Variants in KLF17 observed in about 807,000 individuals in gnomAD.
The protein encoded by KLF17 is KLF transcription factor 17.
A neutral mutation model predicts 34.2 loss-of-function variants in KLF17; 31 were observed. That is an observed-to-expected ratio of 0.91 (90% CI 0.68 to 1.22). The LOEUF is 1.22. Ranked by LOEUF, KLF17 falls within the 50% of genes most tolerant of loss-of-function variation. KLF17 has a pLI of 0.00. For missense variants in KLF17, 478 were observed against 505.2 expected (o/e 0.95, Z 0.52); for synonymous variants, 179 against 186.7 (o/e 0.96, Z 0.34).
At chr1:44,125,286 A>G (rs969020565) in intron 1 of KLF17, among the ~76,000 whole-genome samples, 5 of 152,150 alleles carry the variant, frequency 3.3e-5, no homozygotes, top group African/African-American at 1.2e-4. Flanking sequence ...CATTTTGCAA[A>G]GACAGTTTTG....
At chr1:44,115,172 G>A (rs984763838), upstream of KLF17, 1 of 152,186 alleles carries the variant, frequency 6.6e-6, no homozygotes, top group African/African-American at 2.4e-5. Context: ...GCCAGGCGCG[G>A]TGGCTCATGC....
At chr1:44,090,306 C>CAAAAAAAAAACAAAAA in the KLF17 span, among the ~76,000 whole-genome samples, 1 of 23,410 alleles carries the variant, frequency 4.3e-5, no homozygotes, top group Non-Finnish European at 7.0e-5. Context: ...CTTGTCTCTA[C>CAAAAAAAAAACAAAAA]AAAAAAAAAA....
chr1:44,078,717 C>T, the KLF17 span, among the ~76,000 whole-genome samples: 7 of 152,182 alleles, frequency 4.6e-5, no homozygotes, highest in Non-Finnish European at 7.4e-5. Flanking sequence ...ATTACAGACA[C>T]GAGCTGCTGT....
rs974077986 is a variant in KLF17 at position 44,130,007 on chromosome 1, C to T, written c.736C>T (p.Gln246Ter). Residue 246 changes from glutamine to a stop codon, truncating the protein, a stop_gained, in exon 2 of 4, where the codon CAA becomes TAA. Coordinates refer to ENST00000372299, the MANE Select transcript of KLF17 (RefSeq NM_173484.4). LOFTEE classifies it high-confidence loss of function. ...QDSLVSQPDS[Q>*]EGPFLPEQPG... ...CTCTCTTGTCAGTCAGCCAGACTCT[C>T]AAGAAGGCCCATTTCTACCAGAGCA... 1.1e-5 allele frequency: 18 copies of T among 1,614,052 alleles called. No individual in the cohort carries two copies. Among genetic ancestry groups the T allele is most frequent in the Non-Finnish European group, 1.4e-5 (17 of 1,180,036 alleles).
the KLF17 span, among the ~76,000 whole-genome samples, chr1:44,097,068 C>G: frequency 6.6e-6 from 1 of 152,078 alleles, no homozygotes; most frequent in Non-Finnish European, 1.5e-5. Flanking sequence ...TTCTTAACAC[C>G]ATTGATTAAA....
the KLF17 span, among the ~76,000 whole-genome samples, chr1:44,105,872 T>G: frequency 6.6e-6 from 1 of 152,126 alleles, no homozygotes; most frequent in African/African-American, 2.4e-5. Flanking sequence ...AAGTGGAAAG[T>G]GGCCTCTGCA....
chr1:44,071,631 T>C, the KLF17 span, among the ~76,000 whole-genome samples: 1 of 152,050 alleles, frequency 6.6e-6, no homozygotes, highest in Non-Finnish European at 1.5e-5. Flanking sequence ...CCCTCCACTT[T>C]CATGGCCACC....
chr1:44,124,145 T>G (rs1247573227), intron 1 of KLF17, among the ~76,000 whole-genome samples: 2 of 152,160 alleles, frequency 1.3e-5, no homozygotes, highest in Non-Finnish European at 2.9e-5. Flanking sequence ...TTGGATCATG[T>G]TTTTAATCCA....
At chr1:44,108,021 A>G in the KLF17 span, among the ~76,000 whole-genome samples, 1 of 152,232 alleles carries the variant, frequency 6.6e-6, no homozygotes, top group Non-Finnish European at 1.5e-5. Flanking sequence ...CTGTTAAGGC[A>G]CAGAGAAGGG....
At chr1:44,109,767 G>C in the KLF17 span, among the ~76,000 whole-genome samples, 1 of 152,032 alleles carries the variant, frequency 6.6e-6, no homozygotes, top group South Asian at 2.1e-4. Context: ...TTCTGTTTCA[G>C]GGAGGGAGAG....
At chr1:44,132,033 G>A (rs532294138) in intron 3 of KLF17, among the ~76,000 whole-genome samples, 4 of 152,274 alleles carry the variant, frequency 2.6e-5, no homozygotes, top group South Asian at 2.1e-4. Flanking sequence ...GAGGCCGGGC[G>A]CAGTGGCTCA....
the KLF17 span, among the ~76,000 whole-genome samples, chr1:44,096,385 A>T: frequency 7.0e-6 from 1 of 142,890 alleles, no homozygotes. Flanking sequence ...ATTGTTTTTT[A>T]TTTTTATTAT....
At chr1:44,124,495 ATTTTT>A (rs35952182) in intron 1 of KLF17, among the ~76,000 whole-genome samples, 23 of 112,406 alleles carry the variant, frequency 2.0e-4, no homozygotes, top group Non-Finnish European at 2.1e-4. Context: ...CACTTGGCTA[ATTTTT>A]TTTTTTTTTT....
At chr1:44,052,726 G>A in the KLF17 span, among the ~76,000 whole-genome samples, 9 of 152,150 alleles carry the variant, frequency 5.9e-5, no homozygotes, top group African/African-American at 2.2e-4. Flanking sequence ...CCCATAGAGA[G>A]CCTTACTAGA....
At chr1:44,057,668 ACT>A in the KLF17 span, among the ~76,000 whole-genome samples, 1 of 152,092 alleles carries the variant, frequency 6.6e-6, no homozygotes, top group Non-Finnish European at 1.5e-5. Context: ...AAAACAACAA[ACT>A]CTTTCTCCCT....
At position 44,133,284 on chromosome 1, in the gene KLF17, G is replaced by A. The variant is rs2088133447; in HGVS notation, c.*47G>A. On this transcript the variant is annotated 3_prime_UTR_variant, in exon 4 of 4. Transcript: ENST00000372299. ...TTCCAGGCTGAGAGCACTGGACGTGGCAACTGTTCAGAGGAGAGGCAGTCT... is the reference window on the plus strand; with the variant it reads ...TTCCAGGCTGAGAGCACTGGACGTGACAACTGTTCAGAGGAGAGGCAGTCT... The A allele has an allele frequency of 6.6e-6, 1 of 152,270 alleles. No homozygotes were observed. Among genetic ancestry groups the A allele is most frequent in the Non-Finnish European group, 1.5e-5 (1 of 68,104 alleles). 9.4% of individuals were successfully genotyped at this position (152,270 alleles called of 1,614,324 possible). A position where few individuals can be genotyped will look rare whatever the true frequency, so the allele number is the denominator to read the frequency against.
the KLF17 span, among the ~76,000 whole-genome samples, chr1:44,082,626 A>G: frequency 6.6e-6 from 1 of 152,220 alleles, no homozygotes; most frequent in Non-Finnish European, 1.5e-5. Flanking sequence ...TAGTTTAAGA[A>G]AAGTGTCATA....
the KLF17 span, among the ~76,000 whole-genome samples, chr1:44,058,193 A>C: frequency 1.3e-5 from 2 of 152,212 alleles, no homozygotes; most frequent in African/African-American, 4.8e-5. Flanking sequence ...TCCTTGGGGA[A>C]GGTAGAAAAA....
chr1:44,105,155 A>T, the KLF17 span: 15,386 of 152,214 alleles, frequency 0.1, 844 homozygotes, highest in African/African-American at 0.14. Flanking sequence ...AGAGATGTGT[A>T]TATAAGTGGT....
Sources: gnomAD v4.1 joint callset for allele counts (sites outside exome capture counted in the v4.1 genomes callset) on GRCh38, gnomAD v4.1.1 for gene constraint, MANE v1.5 for transcripts, NCBI Gene and HGNC (gene_info 2026-07-23, HGNC 2026-07-21) for gene names.